TMEM272: variants seen among roughly 807,000 people sequenced by gnomAD.
TMEM272 encodes the protein transmembrane protein 272.
A neutral mutation model predicts 3.7 loss-of-function variants in TMEM272; 8 were observed. The ratio of observed to expected loss-of-function variants is 2.17; its 90% CI spans 1.27 to 3.91. The LOEUF (loss-of-function observed/expected upper bound fraction) is 3.91. Ranked by LOEUF, TMEM272 falls within the 30% of genes most tolerant of loss-of-function variation. The pLI is 0.00. For synonymous variants in TMEM272, 63 were observed against 39.8 expected (o/e 1.58, Z -2.20); for missense variants, 166 against 91.5 (o/e 1.81, Z -3.32).
Position 51,816,549 on chromosome 13 carries a change from G to C in TMEM272, c.*202C>G, listed in dbSNP as rs902452609. 2.1e-5 allele frequency: 11 copies of C among 511,940 alleles called. No individual in the cohort carries two copies. Among genetic ancestry groups the C allele is most frequent in the African/African-American group, 2.1e-4 (11 of 52,818 alleles). The allele number at this position is 511,940 out of a possible 1,614,324, so 31.7% of individuals were successfully genotyped here. A position where few individuals can be genotyped will look rare whatever the true frequency, so the allele number is the denominator to read the frequency against. On this transcript the variant is annotated 3_prime_UTR_variant, in exon 5 of 5. Coordinates refer to ENST00000629372, the MANE Select transcript of TMEM272 (RefSeq NM_001351003.2). The stretch of plus-strand genomic sequence containing the variant: ...AGCAGAAGTGATTTCCCCATGTCTA[G>C]GAAGGCAAGAGTTTCTTTAGTCTGC...
chr13:51,927,892 G>A, the TMEM272 span, among the ~76,000 whole-genome samples: 8 of 152,232 alleles, frequency 5.3e-5, no homozygotes, highest in African/African-American at 1.7e-4. Context: ...CACAAGCCAC[G>A]GAGGCAGCAG....
the TMEM272 span, among the ~76,000 whole-genome samples, chr13:51,919,289 A>C: frequency 6.6e-6 from 1 of 152,236 alleles, no homozygotes; most frequent in Non-Finnish European, 1.5e-5. Context: ...ACAGAGAATA[A>C]GAAGACAAAA....
chr13:51,833,007 G>C (rs1315564245), intron 2 of TMEM272, among the ~76,000 whole-genome samples: 1 of 152,206 alleles, frequency 6.6e-6, no homozygotes, highest in East Asian at 1.9e-4. Context: ...GAGGAGGAAA[G>C]AGTCCCCAGG....
chr13:51,826,053 C>T (rs943813174), intron 3 of TMEM272, among the ~76,000 whole-genome samples: 1 of 151,576 alleles, frequency 6.6e-6, no homozygotes, highest in African/African-American at 2.4e-5. Flanking sequence ...CTGCCCCTCC[C>T]CTGACCTTCG....
chr13:51,925,273 GA>G, the TMEM272 span, among the ~76,000 whole-genome samples: 1 of 152,164 alleles, frequency 6.6e-6, no homozygotes, highest in East Asian at 1.9e-4. Flanking sequence ...TTCATCGACT[GA>G]CTTCTAAAAC....
the TMEM272 span, among the ~76,000 whole-genome samples, chr13:51,898,030 C>T: frequency 1.3e-5 from 2 of 151,618 alleles, no homozygotes; most frequent in Admixed American, 1.3e-4. Flanking sequence ...TGAGACCATC[C>T]TGGCCAACAT....
the TMEM272 span, among the ~76,000 whole-genome samples, chr13:51,863,290 G>C: frequency 2.6e-5 from 4 of 152,330 alleles, no homozygotes; most frequent in South Asian, 4.1e-4. Context: ...AGGGCGTTCA[G>C]CTTTGATCTT....
chr13:51,822,336 C>G (rs111553495), intron 3 of TMEM272, among the ~76,000 whole-genome samples, 199 bp from the exon 4 acceptor site: 1,886 of 152,228 alleles, frequency 0.012, 46 homozygotes, highest in African/African-American at 0.043. Flanking sequence ...GCTCTCACAG[C>G]GGAGTGGCGA....
the TMEM272 span, among the ~76,000 whole-genome samples, chr13:51,876,179 T>C: frequency 6.6e-6 from 1 of 152,232 alleles, no homozygotes. Flanking sequence ...TATCAGTGCA[T>C]TGGCCTCTTG....
At chr13:51,856,010 G>C in the TMEM272 span, among the ~76,000 whole-genome samples, 3 of 152,186 alleles carry the variant, frequency 2.0e-5, no homozygotes, top group Non-Finnish European at 4.4e-5. Flanking sequence ...CAAGAGGTCA[G>C]CTATATGTGA....
At chr13:51,849,217 G>C (rs759075707), upstream of TMEM272, among the ~76,000 whole-genome samples, 2 of 152,178 alleles carry the variant, frequency 1.3e-5, no homozygotes, top group African/African-American at 2.4e-5. Flanking sequence ...CTGCAAACTT[G>C]AGGCCATTAT....
At chr13:51,901,070 A>G in the TMEM272 span, among the ~76,000 whole-genome samples, 1 of 152,180 alleles carries the variant, frequency 6.6e-6, no homozygotes, top group African/African-American at 2.4e-5. Flanking sequence ...TATACCAAAA[A>G]CCACTGAATT....
At chr13:51,865,433 A>C in the TMEM272 span, 2 of 1,612,796 alleles carry the variant, frequency 1.2e-6, no homozygotes, top group Non-Finnish European at 1.7e-6. Context: ...CAAGGTGAGC[A>C]GATGGATGGG....
chr13:51,872,242 A>T, the TMEM272 span, among the ~76,000 whole-genome samples: 2 of 152,220 alleles, frequency 1.3e-5, no homozygotes, highest in Non-Finnish European at 2.9e-5. Flanking sequence ...CACTGAAACA[A>T]GAACAAAATG....
At chr13:51,914,328 G>T in the TMEM272 span, among the ~76,000 whole-genome samples, 3 of 152,320 alleles carry the variant, frequency 2.0e-5, no homozygotes, top group African/African-American at 7.2e-5. Context: ...GGAAATTGAC[G>T]CTTAGCAGGG....
intron 2 of TMEM272, among the ~76,000 whole-genome samples, chr13:51,830,829 C>G (rs1299652839): frequency 6.6e-6 from 1 of 152,196 alleles, no homozygotes; most frequent in Non-Finnish European, 1.5e-5. Context: ...AGGCTGTGCC[C>G]TGGCTTCATC....
chr13:51,890,421 C>T, the TMEM272 span, among the ~76,000 whole-genome samples: 4 of 152,110 alleles, frequency 2.6e-5, no homozygotes, highest in African/African-American at 9.7e-5. Context: ...CTCTTGCTTC[C>T]TCTCTTGCCA....
the TMEM272 span, among the ~76,000 whole-genome samples, chr13:51,850,469 T>C: frequency 1.6e-4 from 24 of 152,322 alleles, no homozygotes; most frequent in African/African-American, 5.8e-4. Flanking sequence ...TACACTTACA[T>C]CAATGAGCAA....
intron 4 of TMEM272, 70 bp from the exon 5 acceptor site, chr13:51,817,183 G>A: frequency 3.1e-6 from 2 of 647,602 alleles, no homozygotes; most frequent in South Asian, 1.7e-5. Context: ...GGGGATAGAA[G>A]GTAGCGGTGG....
Sources: gnomAD v4.1 joint callset for allele counts (sites outside exome capture counted in the v4.1 genomes callset) on GRCh38, gnomAD v4.1.1 for gene constraint, MANE v1.5 for transcripts, NCBI Gene and HGNC (gene_info 2026-07-23, HGNC 2026-07-21) for gene names.